The following NT5DC1 variants were observed in gnomAD, a reference collection of about 807,000 sequenced individuals.
The protein encoded by NT5DC1 is 5'-nucleotidase domain-containing protein 1.
In NT5DC1, 42 loss-of-function variants were observed where a neutral mutation model predicts 59.4. That is an observed-to-expected ratio of 0.71 (90% CI 0.55 to 0.92). The LOEUF (loss-of-function observed/expected upper bound fraction) is 0.92. Ranked by LOEUF, NT5DC1 falls within the 40% of genes least tolerant of loss-of-function variation. NT5DC1 has a pLI of 0.00. For synonymous variants in NT5DC1, 172 were observed against 188.1 expected, an observed-to-expected ratio of 0.91 and a Z score of 0.70; for missense variants, 501 against 537.1, an observed-to-expected ratio of 0.93 and a Z score of 0.66.
At chr6:116,102,295 T>C (rs1172752451) in intron 1 of NT5DC1, among the ~76,000 whole-genome samples, 2 of 152,222 alleles carry the variant, frequency 1.3e-5, no homozygotes, top group East Asian at 1.9e-4. Flanking sequence ...TTCTCGTGTG[T>C]TTTCTATGCC....
intron 6 of NT5DC1, chr6:116,121,676 G>A (rs767080515): frequency 3.1e-6 from 5 of 1,613,842 alleles, no homozygotes; most frequent in Non-Finnish European, 3.4e-6. Context: ...AGCCGGTCCA[G>A]GGATTCCAGG....
chr6:116,114,826 G>A (rs1470649292), intron 4 of NT5DC1, among the ~76,000 whole-genome samples: 2 of 152,148 alleles, frequency 1.3e-5, no homozygotes, highest in Non-Finnish European at 2.9e-5. Context: ...GTCTGTCCAT[G>A]GAACAGGAAG....
At chr6:116,190,807 C>A (rs1781100315) in intron 6 of NT5DC1, among the ~76,000 whole-genome samples, 1 of 152,002 alleles carries the variant, frequency 6.6e-6, no homozygotes, top group Non-Finnish European at 1.5e-5. Flanking sequence ...GACAGGTCTG[C>A]TGGATTTCAG....
At chr6:116,171,099 A>T (rs1439751230) in intron 6 of NT5DC1, among the ~76,000 whole-genome samples, 2 of 151,744 alleles carry the variant, frequency 1.3e-5, no homozygotes, top group African/African-American at 2.4e-5. Context: ...TTTTTTTTAA[A>T]TCCCCAACAT....
chr6:116,230,282 A>G (rs946976173), intron 8 of NT5DC1, among the ~76,000 whole-genome samples: 2 of 152,178 alleles, frequency 1.3e-5, no homozygotes, highest in African/African-American at 2.4e-5. Context: ...CATGCACACA[A>G]TATCTCATTG....
intron 3 of NT5DC1, among the ~76,000 whole-genome samples, chr6:116,108,874 T>A (rs1313197740): frequency 6.6e-6 from 1 of 152,206 alleles, no homozygotes; most frequent in Non-Finnish European, 1.5e-5. Context: ...TTATCCAAAT[T>A]TGGCCCTGTC....
At chr6:116,199,245 AC>A (rs919780082) in intron 6 of NT5DC1, among the ~76,000 whole-genome samples, 2 of 152,020 alleles carry the variant, frequency 1.3e-5, no homozygotes, top group African/African-American at 2.4e-5. Context: ...ATTAAATTTT[AC>A]CTTCTGAAAG....
At chr6:116,221,014 G>A (rs763698175) in intron 6 of NT5DC1, 40 bp from the exon 7 acceptor site, 7 of 976,768 alleles carry the variant, frequency 7.2e-6, no homozygotes, top group African/African-American at 3.3e-5. Flanking sequence ...GTCAAAAAAT[G>A]TTTAAAAAGA....
intron 6 of NT5DC1, among the ~76,000 whole-genome samples, chr6:116,124,289 T>A (rs1363209108): frequency 6.6e-6 from 1 of 152,098 alleles, no homozygotes; most frequent in Non-Finnish European, 1.5e-5. Context: ...AAATATATAA[T>A]TAAAAAATTA....
At position 116,238,836 on chromosome 6, in the gene NT5DC1, A is replaced by G. The variant is rs1782173721; in HGVS notation, c.1084-119A>G. On this transcript the variant is annotated intron_variant, in intron 10 of 11. Coordinates refer to ENST00000319550, the MANE Select transcript of NT5DC1 (RefSeq NM_152729.3). ...TGTTCCAAAAATTTAATGTGGGCCC[A>G]AAGCCTATTTGTAGATTCCTACAGG... 7.9e-6 allele frequency: 5 copies of G among 636,854 alleles called. No homozygotes were observed. In the East Asian group the frequency reaches 1.3e-4, roughly 17 times the overall value. The allele number at this position is 636,854 out of a possible 1,614,324, so 39.5% of individuals were successfully genotyped here. A position where few individuals can be genotyped will look rare whatever the true frequency, so the allele number is the denominator to read the frequency against.
intron 6 of NT5DC1, among the ~76,000 whole-genome samples, chr6:116,202,872 A>G (rs1417384655): frequency 6.6e-6 from 1 of 152,022 alleles, no homozygotes; most frequent in Non-Finnish European, 1.5e-5. Flanking sequence ...CTTAACTAGA[A>G]AATCTTAAGG....
rs1771789429 is a variant in NT5DC1 at position 116,243,983 on chromosome 6, C to T, written c.1327C>T (p.Pro443Ser). The change falls in exon 12 of 12, where the codon CCA becomes TCA. Residue 443 changes from proline to serine, a missense_variant. Physicochemically the swap from Pro to Ser is moderately conservative, Grantham distance 74. Transcript: ENST00000319550. ...AACAGCTGGCTACTATCCAAATCCT[C>T]CACTGGTCTTATCAAGTGATGAGAC... ...SKTAGYYPNP[P>S]LVLSSDETLI... 6.4e-7 allele frequency: 1 copy of T among 1,557,936 alleles called. No individual in the cohort carries two copies. The highest frequency in any genetic ancestry group is 1.1e-5 in the South Asian group (1 of 88,022).
chr6:116,159,400 G>T (rs1211248771), intron 6 of NT5DC1, among the ~76,000 whole-genome samples: 1 of 152,106 alleles, frequency 6.6e-6, no homozygotes, highest in Non-Finnish European at 1.5e-5. Context: ...TTACACATGT[G>T]ATTATTCATT....
chr6:116,219,228 A>C (rs956519067), intron 6 of NT5DC1, among the ~76,000 whole-genome samples: 1 of 151,802 alleles, frequency 6.6e-6, no homozygotes, highest in Non-Finnish European at 1.5e-5. Context: ...TCATATGTCC[A>C]CTCCGCCATC....
intron 8 of NT5DC1, among the ~76,000 whole-genome samples, chr6:116,230,118 T>G (rs1349312529): frequency 6.6e-6 from 1 of 152,152 alleles, no homozygotes; most frequent in Non-Finnish European, 1.5e-5. Context: ...CTGGGAAATC[T>G]CTCATCTTTG....
intron 6 of NT5DC1, among the ~76,000 whole-genome samples, chr6:116,179,832 A>G (rs371312835): frequency 1.6e-4 from 25 of 152,220 alleles, no homozygotes; most frequent in East Asian, 1.5e-3. Context: ...GAAAGGCACA[A>G]GAATATACAT....
At position 116,244,211 on chromosome 6, in the gene NT5DC1, T is replaced by G. The variant is rs749935496; in HGVS notation, c.*187T>G. On this transcript the variant is annotated 3_prime_UTR_variant, in exon 12 of 12. Coordinates refer to ENST00000319550, the MANE Select transcript of NT5DC1 (RefSeq NM_152729.3). ...AACTCTTATTATATTAAAATCTCAGTATCCTAAAACTTAGAACCTTATTGA... is the reference window on the plus strand; with the variant it reads ...AACTCTTATTATATTAAAATCTCAGGATCCTAAAACTTAGAACCTTATTGA... 2.4e-6 allele frequency: 1 copy of G among 421,018 alleles called. No individual in the cohort carries two copies. The highest frequency in any genetic ancestry group is 4.2e-6 in the Non-Finnish European group (1 of 236,778). The allele number at this position is 421,018 out of a possible 1,614,324, so 26.1% of individuals were successfully genotyped here.
chr6:116,120,701 G>C, intron 6 of NT5DC1: 1 of 1,555,778 alleles, frequency 6.4e-7, no homozygotes, highest in Non-Finnish European at 8.6e-7. Flanking sequence ...AGGAGGACCG[G>C]GACTTCCTGG....
rs767205527 is a variant in NT5DC1, at chr6:116,223,009, T to A, written c.705-25T>A. ...ACCTTTTCTAATTCTTAAAATAAAC[T>A]TATGAAAAATTGTGTTGCTTTTAGG... On this transcript the variant is annotated intron_variant, in intron 7 of 11. Coordinates refer to ENST00000319550, the MANE Select transcript of NT5DC1 (RefSeq NM_152729.3). 29 of 1,235,640 alleles carry A rather than the reference T, an allele frequency of 2.3e-5. 2 individuals carry two copies. In the South Asian group the frequency reaches 3.6e-4, roughly 15 times the overall value. The allele number at this position is 1,235,640 out of a possible 1,614,324, so 76.5% of individuals were successfully genotyped here.
Sources: gnomAD v4.1 joint callset for allele counts (sites outside exome capture counted in the v4.1 genomes callset) on GRCh38, gnomAD v4.1.1 for gene constraint, MANE v1.5 for transcripts, NCBI Gene and HGNC (gene_info 2026-07-23, HGNC 2026-07-21) for gene names.